Variants in TCERG1L observed in about 807,000 individuals in gnomAD.
TCERG1L encodes the protein transcription elongation regulator 1 like.
Under a neutral mutation model 56.3 loss-of-function variants are expected in TCERG1L, and 37 were observed. The ratio of observed to expected loss-of-function variants is 0.66; its 90% CI spans 0.51 to 0.87. TCERG1L has a LOEUF of 0.87. Ranked by LOEUF, TCERG1L falls within the 40% of genes least tolerant of loss-of-function variation. The pLI, the probability that TCERG1L is intolerant of heterozygous loss-of-function variation, is 0.00. For synonymous variants in TCERG1L, 324 were observed against 326.3 expected, an observed-to-expected ratio of 0.99 and a Z score of 0.08; for missense variants, 799 against 774.2, an observed-to-expected ratio of 1.03 and a Z score of -0.38.
At chr10:131,196,503 C>A (rs959596814) in intron 4 of TCERG1L, among the ~76,000 whole-genome samples, 2 of 152,248 alleles carry the variant, frequency 1.3e-5, no homozygotes, top group Non-Finnish European at 2.9e-5. Flanking sequence ...AGGACAACCT[C>A]GATGTGCAGG....
At chr10:131,285,517 AAAGAAAGAGAG>A (rs1390984541) in intron 3 of TCERG1L, among the ~76,000 whole-genome samples, 6,926 of 62,598 alleles carry the variant, frequency 0.11, 582 homozygotes, top group South Asian at 0.27. Context: ...AGAAAGAAAG[AAAGAAAGAGAG>A]AAAGAAAAGA....
chr10:131,153,440 G>T (rs181475076), intron 6 of TCERG1L, among the ~76,000 whole-genome samples: 12 of 152,304 alleles, frequency 7.9e-5, no homozygotes, highest in Admixed American at 2.0e-4. Flanking sequence ...TGAGACCCTA[G>T]AAACCTGTGT....
At chr10:131,148,429 CACACACATGCAGAGAT>C (rs1845823555) in intron 6 of TCERG1L, among the ~76,000 whole-genome samples, 1 of 151,754 alleles carries the variant, frequency 6.6e-6, no homozygotes, top group African/African-American at 2.4e-5. Flanking sequence ...CACACAGAGA[CACACACATGCAGAGAT>C]ACACACATAA....
chr10:131,287,478 A>G (rs1422204440), intron 3 of TCERG1L, among the ~76,000 whole-genome samples: 1 of 152,232 alleles, frequency 6.6e-6, no homozygotes, highest in African/African-American at 2.4e-5. Context: ...ACTTAATTTC[A>G]TTACCTATGC....
intron 10 of TCERG1L, among the ~76,000 whole-genome samples, chr10:131,101,673 G>A (rs902634306): frequency 6.6e-6 from 1 of 152,142 alleles, no homozygotes; most frequent in Non-Finnish European, 1.5e-5. Context: ...TAAAATCACA[G>A]GCTCCTTGTT....
At position 131,308,269 on chromosome 10, in the gene TCERG1L, C is replaced by T. The variant is rs1267324409; in HGVS notation, c.612G>A (p.Arg204=). 6.2e-7 allele frequency: 1 copy of T among 1,613,836 alleles called. No homozygotes were observed. The highest frequency in any genetic ancestry group is 8.5e-7 in the Non-Finnish European group (1 of 1,179,890). ...LANQVAVSLS[R]PAPASRPLPT... Reference sequence around the variant, plus strand: ...GGAGCGGCCTGGAGGCAGGAGCCGGCCTGGACAGAGACACAGCTACTTGAT... The same window carrying T: ...GGAGCGGCCTGGAGGCAGGAGCCGGTCTGGACAGAGACACAGCTACTTGAT... Residue 204 remains arginine (R), a synonymous_variant, in exon 3 of 12, where the codon AGG becomes AGA. Coordinates refer to ENST00000368642, the MANE Select transcript of TCERG1L (RefSeq NM_174937.4).
At chr10:131,135,978 T>G (rs1365665696) in intron 7 of TCERG1L, among the ~76,000 whole-genome samples, 1 of 152,228 alleles carries the variant, frequency 6.6e-6, no homozygotes, top group Non-Finnish European at 1.5e-5. Context: ...ACTCCGGAGC[T>G]GGACTGCTGT....
intron 3 of TCERG1L, among the ~76,000 whole-genome samples, chr10:131,281,099 T>A (rs1473938345): frequency 6.6e-6 from 1 of 152,268 alleles, no homozygotes; most frequent in East Asian, 1.9e-4. Flanking sequence ...AATGTTTATA[T>A]GCCTCTTTCT....
rs147803303 is a variant in TCERG1L, at chr10:131,234,796, T to C, written c.856+25463A>G. On this transcript the variant is annotated intron_variant, in intron 4 of 11. Transcript: ENST00000368642. ...TTGGCTCACCGCCACCTCCGCCTCCTGGGTTCAAGTGATTTTCCTGCCCCA... is the reference window on the plus strand; with the variant it reads ...TTGGCTCACCGCCACCTCCGCCTCCCGGGTTCAAGTGATTTTCCTGCCCCA... 9.8e-3 allele frequency among the ~76,000 whole-genome samples: 1,496 copies of C among 152,250 alleles called. 14 individuals carry two copies. The highest frequency in any genetic ancestry group is 0.024 in the South Asian group (114 of 4,808).
intron 8 of TCERG1L, among the ~76,000 whole-genome samples, chr10:131,117,148 T>C (rs1845468016): frequency 6.6e-6 from 1 of 152,076 alleles, no homozygotes; most frequent in African/African-American, 2.4e-5. Context: ...GAGGCTGGAA[T>C]TGAAGCCCCA....
intron 4 of TCERG1L, among the ~76,000 whole-genome samples, chr10:131,189,370 CCTCT>C (rs759388636): frequency 2.9e-4 from 44 of 152,170 alleles, no homozygotes; most frequent in Non-Finnish European, 5.9e-4. Context: ...CCACCATTCC[CCTCT>C]CTATGTCCAT....
intron 11 of TCERG1L, among the ~76,000 whole-genome samples, chr10:131,094,208 G>A (rs911540648): frequency 1.3e-5 from 2 of 152,202 alleles, no homozygotes; most frequent in Non-Finnish European, 2.9e-5. Flanking sequence ...AGAGGTAGAG[G>A]GACCAAGGCC....
intron 4 of TCERG1L, among the ~76,000 whole-genome samples, chr10:131,250,556 G>C (rs137940551): frequency 9.9e-5 from 15 of 152,240 alleles, no homozygotes; most frequent in African/African-American, 3.6e-4. Flanking sequence ...GACACACATG[G>C]GTTGTGAACC....
intron 4 of TCERG1L, among the ~76,000 whole-genome samples, chr10:131,227,608 C>T (rs34082441): frequency 2.0e-5 from 3 of 152,218 alleles, no homozygotes; most frequent in African/African-American, 7.2e-5. Context: ...CGGCCCGACC[C>T]TGGGTTCTCT....
intron 4 of TCERG1L, among the ~76,000 whole-genome samples, chr10:131,243,891 C>T (rs922881120): frequency 7.9e-5 from 12 of 152,184 alleles, no homozygotes; most frequent in Admixed American, 7.2e-4. Context: ...CCAACTGAGC[C>T]CAGCTCAAAT....
intron 4 of TCERG1L, among the ~76,000 whole-genome samples, chr10:131,182,212 G>A (rs1845187664): frequency 6.6e-6 from 1 of 152,204 alleles, no homozygotes; most frequent in Non-Finnish European, 1.5e-5. Context: ...GTGTGAGTGG[G>A]CATGGGAAAC....
intron 4 of TCERG1L, among the ~76,000 whole-genome samples, chr10:131,223,078 C>T (rs946724769): frequency 1.2e-4 from 19 of 152,304 alleles, no homozygotes; most frequent in African/African-American, 3.8e-4. Context: ...GATCAACCGG[C>T]GGGGACGAGA....
At chr10:131,283,779 T>C (rs1262366996) in intron 3 of TCERG1L, among the ~76,000 whole-genome samples, 1 of 152,092 alleles carries the variant, frequency 6.6e-6, no homozygotes, top group Non-Finnish European at 1.5e-5. Context: ...ACTTAGCAAC[T>C]GGAAAACACA....
chr10:131,117,327 A>T (rs1396727439), intron 8 of TCERG1L, among the ~76,000 whole-genome samples: 1 of 152,176 alleles, frequency 6.6e-6, no homozygotes, highest in Non-Finnish European at 1.5e-5. Flanking sequence ...GGGGTCATGG[A>T]GGGGTAAGGA....
Sources: allele counts gnomAD v4.1 joint callset (sites outside exome capture counted in the v4.1 genomes callset), GRCh38; gene constraint gnomAD v4.1.1; transcripts MANE v1.5; gene names NCBI Gene and HGNC (gene_info 2026-07-23, HGNC 2026-07-21).